The following MBNL3 variants were observed in gnomAD, a reference collection of about 807,000 sequenced individuals.
The protein encoded by MBNL3 is muscleblind like splicing regulator 3.
In MBNL3, 6 loss-of-function variants were observed where a neutral mutation model predicts 24.5. The observed-to-expected ratio is 0.25, with a 90% CI of 0.13 to 0.48. The LOEUF is 0.48. MBNL3 is among the 20% of genes least tolerant of loss of function. The pLI is 0.99. For synonymous variants in MBNL3, 100 were observed against 101.7 expected, an observed-to-expected ratio of 0.98 and a Z score of 0.10; for missense variants, 230 against 293.5, an observed-to-expected ratio of 0.78 and a Z score of 1.58.
intron 1 of MBNL3, among the ~76,000 whole-genome samples, chrX:132,453,847 T>G (rs1946236243): frequency 9.0e-6 from 1 of 111,171 alleles, no homozygotes; most frequent in South Asian, 3.9e-4. Flanking sequence ...ATCCTAGCAC[T>G]TTGGGAGACT....
intron 7 of MBNL3, among the ~76,000 whole-genome samples, chrX:132,384,084 C>T (rs955191380): frequency 1.8e-5 from 2 of 111,870 alleles, no homozygotes; most frequent in Non-Finnish European, 3.8e-5. Flanking sequence ...TTAAAAATCA[C>T]GTAACACTCA....
intron 2 of MBNL3, among the ~76,000 whole-genome samples, chrX:132,435,626 T>C (rs1261176933): frequency 3.6e-5 from 4 of 112,250 alleles, no homozygotes; most frequent in African/African-American, 9.7e-5. Context: ...CTTATAATAT[T>C]TGACAAGGTT....
Position 132,478,190 on chromosome X carries a change from G to A in MBNL3, c.-704+10661C>T, listed in dbSNP as rs7055393. On this transcript the variant is annotated intron_variant, in intron 1 of 8. Coordinates refer to ENST00000370853, the MANE Select transcript of MBNL3 (RefSeq NM_001386889.1). Reference sequence around the variant, plus strand: ...CCCAATTGTCCCAAGGTTTTTAGTTGTCATTTTGTTGTTGTTGTCGTTGTT... The same window carrying A: ...CCCAATTGTCCCAAGGTTTTTAGTTATCATTTTGTTGTTGTTGTCGTTGTT... 9.1e-3 allele frequency among the ~76,000 whole-genome samples: 885 copies of A among 97,778 alleles called. 5 individuals carry two copies. Among genetic ancestry groups the A allele is most frequent in the African/African-American group, 0.03 (840 of 28,143 alleles). The allele number at this position is 97,778 out of a possible 115,157, so 84.9% of individuals were successfully genotyped here.
intron 1 of MBNL3, among the ~76,000 whole-genome samples, chrX:132,486,575 T>C (rs1426967624): frequency 8.9e-6 from 1 of 112,368 alleles, no homozygotes; most frequent in Non-Finnish European, 1.9e-5. Context: ...GGAATGTACA[T>C]TCTACTCTTC....
chrX:132,437,867 G>A (rs1945197106), intron 2 of MBNL3: 1 of 549,245 alleles, frequency 1.8e-6, no homozygotes, highest in African/African-American at 2.5e-5. Context: ...ACAAATAAAA[G>A]CAATTCAGAG....
chrX:132,445,451 T>G (rs1053976620), intron 1 of MBNL3, among the ~76,000 whole-genome samples: 1 of 111,039 alleles, frequency 9.0e-6, no homozygotes, highest in Non-Finnish European at 1.9e-5. Flanking sequence ...AAAAAAAAAA[T>G]TGTCGTAAAA....
At chrX:132,444,411 A>AT (rs1159302330) in intron 1 of MBNL3, among the ~76,000 whole-genome samples, 1 of 111,161 alleles carries the variant, frequency 9.0e-6, no homozygotes, top group Non-Finnish European at 1.9e-5. Context: ...GATTCTTCAT[A>AT]TACAGTGCAT....
chrX:132,374,202 G>A lies in MBNL3; in HGVS notation c.*5464C>T, dbSNP rs938475437. On this transcript the variant is annotated 3_prime_UTR_variant, in exon 9 of 9. Coordinates refer to ENST00000370853, the MANE Select transcript of MBNL3 (RefSeq NM_001386889.1). ...AGATGAAATCTTATTCTATCATAACGGTAATATCTATCTTGTAATACATGA... is the reference window on the plus strand; with the variant it reads ...AGATGAAATCTTATTCTATCATAACAGTAATATCTATCTTGTAATACATGA... The A allele has an allele frequency of 1.8e-5, 2 of 110,985 alleles. No individual in the cohort carries two copies. Among genetic ancestry groups the A allele is most frequent in the Non-Finnish European group, 1.9e-5 (1 of 52,791 alleles). The allele number at this position is 110,985 out of a possible 1,213,427, so 9.1% of individuals were successfully genotyped here. A position where few individuals can be genotyped will look rare whatever the true frequency, so the allele number is the denominator to read the frequency against.
chrX:132,417,078 G>A (rs1943365096), intron 2 of MBNL3, among the ~76,000 whole-genome samples: 1 of 111,673 alleles, frequency 9.0e-6, no homozygotes, highest in Admixed American at 9.5e-5. Context: ...TAATGAAACT[G>A]CTGAGATTAC....
rs1176757513 is a variant in MBNL3 at position 132,373,662 on chromosome X, T to C, written c.*6004A>G. 2 of 111,930 alleles carry C rather than the reference T, an allele frequency of 1.8e-5. No homozygotes were observed. The highest frequency in any genetic ancestry group is 6.5e-5 in the African/African-American group (2 of 30,850). 9.2% of individuals were successfully genotyped at this position (111,930 alleles called of 1,213,427 possible). ...ACAAGTACCTGTAGTGATCAAATGC[T>C]TAACCTTTCTAACCTTGACCTCTTC... On this transcript the variant is annotated 3_prime_UTR_variant, in exon 9 of 9. Transcript: ENST00000370853.
In MBNL3 at chrX:132,413,330, T is replaced by C. The variant is rs532890156; in HGVS notation, c.178-6938A>G. Reference sequence around the variant, plus strand: ...AAATATGCAGGACTCCCAGGTAAATTTGAATTTCAGATAAACAGTGAAAAA... The same window carrying C: ...AAATATGCAGGACTCCCAGGTAAATCTGAATTTCAGATAAACAGTGAAAAA... On this transcript the variant is annotated intron_variant, in intron 2 of 8. Coordinates refer to ENST00000370853, the MANE Select transcript of MBNL3 (RefSeq NM_001386889.1). Among the ~76,000 whole-genome samples, 100 of 111,853 alleles carry C rather than the reference T, an allele frequency of 8.9e-4. No individual in the cohort carries two copies. In the South Asian group the frequency reaches 0.035, roughly 39 times the overall value.
rs181390784 is a variant in MBNL3 at position 132,416,216 on chromosome X, A to C, written c.178-9824T>G. 2.6e-4 allele frequency among the ~76,000 whole-genome samples: 29 copies of C among 112,409 alleles called. No individual in the cohort carries two copies. In the East Asian group the frequency reaches 7.8e-3, roughly 30 times the overall value. On this transcript the variant is annotated intron_variant, in intron 2 of 8. Transcript: ENST00000370853. ...CATATACACAATTGAATATTATTCA[A>C]CCATAAAGAAGAACAAAATTCTGTC...
intron 2 of MBNL3, among the ~76,000 whole-genome samples, chrX:132,433,849 C>T (rs186967404): frequency 2.9e-4 from 32 of 111,283 alleles, no homozygotes; most frequent in African/African-American, 2.0e-4. Flanking sequence ...ACCAGGCTGC[C>T]GCCAGCTTCA....
rs181361335 is a variant in MBNL3, at chrX:132,392,251, G to A, written c.426C>T (p.Leu142=). 3.9e-5 allele frequency: 47 copies of A among 1,208,227 alleles called. No homozygotes were observed. The East Asian group carries it at 8.0e-4, about 21-fold the overall frequency. ...TATTTGGTACAAGTTCTGCAGGAAC[G>A]AGGCCCATCCCAGGATGTGGTATGT... ...NPYIPHPGMG[L]VPAELVPNTP... Residue 142 remains leucine (L), a synonymous_variant, in exon 4 of 9, where the codon CTC becomes CTT. Transcript: ENST00000370853.
At chrX:132,441,012 CTT>C (rs1464230449) in intron 1 of MBNL3, among the ~76,000 whole-genome samples, 5 of 112,257 alleles carry the variant, frequency 4.5e-5, no homozygotes, top group Admixed American at 9.4e-5. Context: ...TAAATCTTCT[CTT>C]TGTCTTTTCC....
chrX:132,489,978 T>C (rs913618232), upstream of MBNL3: 2 of 112,293 alleles, frequency 1.8e-5, no homozygotes, highest in Non-Finnish European at 3.8e-5. Flanking sequence ...ACTTTCTTCC[T>C]GTAGGGCGCT....
At chrX:132,420,905 A>T (rs1417358355) in intron 2 of MBNL3, among the ~76,000 whole-genome samples, 2 of 112,365 alleles carry the variant, frequency 1.8e-5, no homozygotes, top group African/African-American at 6.5e-5. Flanking sequence ...CAACACTGTT[A>T]TATGAATCAA....
intron 7 of MBNL3, among the ~76,000 whole-genome samples, chrX:132,383,028 A>G (rs1176592723): frequency 8.9e-6 from 1 of 112,366 alleles, no homozygotes; most frequent in African/African-American, 3.2e-5. Context: ...AGGATGTTTT[A>G]TCTTTGCCTT....
upstream of MBNL3, among the ~76,000 whole-genome samples, chrX:132,489,433 C>G (rs767122460): frequency 6.6e-4 from 74 of 111,856 alleles, no homozygotes; most frequent in African/African-American, 2.2e-3. Context: ...TCGCGGAGGC[C>G]GGGCGTGGGG....
Sources: gnomAD v4.1 joint callset for allele counts (sites outside exome capture counted in the v4.1 genomes callset) on GRCh38, gnomAD v4.1.1 for gene constraint, MANE v1.5 for transcripts, NCBI Gene and HGNC (gene_info 2026-07-23, HGNC 2026-07-21) for gene names.